VTI1A: variants seen among roughly 807,000 people sequenced by gnomAD.
VTI1A encodes vesicle transport through interaction with t-SNAREs 1A, also known as vesicle transport through interaction with t-SNAREs homolog 1A.
Under a neutral mutation model 34.9 loss-of-function variants are expected in VTI1A, and 22 were observed. The observed-to-expected ratio is 0.63, with a 90% CI of 0.45 to 0.90. The LOEUF (loss-of-function observed/expected upper bound fraction) is 0.90. Among genes scored for constraint, VTI1A ranks in the 40% least tolerant of loss-of-function variants. The pLI is 0.00. For missense variants in VTI1A, 268 were observed against 275.6 expected (o/e 0.97, Z 0.20); for synonymous variants, 87 against 97.3 (o/e 0.89, Z 0.62).
At chr10:112,780,627 G>A (rs994595609) in intron 7 of VTI1A, among the ~76,000 whole-genome samples, 3 of 152,052 alleles carry the variant, frequency 2.0e-5, no homozygotes, top group East Asian at 1.9e-4. Context: ...GATTTAACCC[G>A]TGTGTTAACC....
chr10:112,615,700 C>G (rs553381610), intron 5 of VTI1A, among the ~76,000 whole-genome samples: 93 of 152,182 alleles, frequency 6.1e-4, no homozygotes, highest in African/African-American at 2.2e-3. Context: ...TGGGAAACTT[C>G]CCTAAATAAA....
chr10:112,719,167 A>AAGGAGGGGGAGGT (rs2133936409), intron 7 of VTI1A, among the ~76,000 whole-genome samples: 1 of 152,358 alleles, frequency 6.6e-6, no homozygotes, highest in African/African-American at 2.4e-5. Flanking sequence ...GGCATTTTAC[A>AAGGAGGGGGAGGT]TCACTGAGTC....
At chr10:112,735,120 C>A (rs189191392) in intron 7 of VTI1A, among the ~76,000 whole-genome samples, 1 of 152,094 alleles carries the variant, frequency 6.6e-6, no homozygotes, top group Non-Finnish European at 1.5e-5. Flanking sequence ...AGTTTTAATT[C>A]GCAGAAAATG....
intron 7 of VTI1A, among the ~76,000 whole-genome samples, chr10:112,796,697 T>C (rs1473117313): frequency 6.6e-6 from 1 of 152,172 alleles, no homozygotes; most frequent in Non-Finnish European, 1.5e-5. Context: ...AGGGAAAAGT[T>C]CTTCCTGGGC....
chr10:112,482,886 G>T (rs921190614), intron 3 of VTI1A, among the ~76,000 whole-genome samples: 1 of 152,100 alleles, frequency 6.6e-6, no homozygotes, highest in African/African-American at 2.4e-5. Context: ...AGAAAGCATC[G>T]CTGAAACCTT....
At position 112,594,089 on chromosome 10, in the gene VTI1A, TTTTAGTA is replaced by T. The variant is rs1028948163; in HGVS notation, c.427+55760_427+55766del. 4.5e-4 allele frequency among the ~76,000 whole-genome samples: 69 copies of T among 152,234 alleles called. No homozygotes were observed. The Middle Eastern group carries it at 0.01, about 23-fold the overall frequency. On this transcript the variant is annotated intron_variant, in intron 5 of 7. Transcript: ENST00000393077. ...CATGCCCGGCTAATTTTTTTTGTAT[TTTTAGTA>T]GAGTCGGGGTTTCACTGTGTTAGCC...
rs1374262661 is a variant in VTI1A, at chr10:112,718,963, G to T, written c.560+49965G>T. 2.6e-5 allele frequency among the ~76,000 whole-genome samples: 4 copies of T among 152,294 alleles called. No homozygotes were observed. The East Asian group carries it at 5.8e-4, about 22-fold the overall frequency. On this transcript the variant is annotated intron_variant, in intron 7 of 7. Coordinates refer to ENST00000393077, the MANE Select transcript of VTI1A (RefSeq NM_145206.4). Reference sequence around the variant, plus strand: ...CAGAATTCTAGGAAAATGAGAATTTGTGTCTGCTTTCATTCACAGAGCAAA... The same window carrying T: ...CAGAATTCTAGGAAAATGAGAATTTTTGTCTGCTTTCATTCACAGAGCAAA...
At chr10:112,652,463 G>A (rs556573208) in intron 5 of VTI1A, among the ~76,000 whole-genome samples, 19 of 152,320 alleles carry the variant, frequency 1.2e-4, no homozygotes, top group African/African-American at 4.3e-4. Flanking sequence ...GCTCACGCCT[G>A]TAATCCCAGC....
At chr10:112,777,994 C>T (rs1255509089) in intron 7 of VTI1A, among the ~76,000 whole-genome samples, 1 of 151,968 alleles carries the variant, frequency 6.6e-6, no homozygotes, top group African/African-American at 2.4e-5. Context: ...CCCAGCTACT[C>T]GAGAGGCTGA....
chr10:112,687,772 G>T lies in VTI1A; in HGVS notation c.560+18774G>T, dbSNP rs1564884149. 1.3e-5 allele frequency among the ~76,000 whole-genome samples: 2 copies of T among 151,930 alleles called. 1 individual carries two copies. The highest frequency in any genetic ancestry group is 4.8e-5 in the African/African-American group (2 of 41,354). Reference sequence around the variant, plus strand: ...TAGAGATACAAAACAGCCAGCCTCAGAAGAAGGAGGGGCTGATTTCATCAG... The same window carrying T: ...TAGAGATACAAAACAGCCAGCCTCATAAGAAGGAGGGGCTGATTTCATCAG... On this transcript the variant is annotated intron_variant, in intron 7 of 7. Coordinates refer to ENST00000393077, the MANE Select transcript of VTI1A (RefSeq NM_145206.4).
chr10:112,507,205 A>G (rs1237883738), intron 3 of VTI1A, among the ~76,000 whole-genome samples: 3 of 152,094 alleles, frequency 2.0e-5, no homozygotes, highest in Non-Finnish European at 4.4e-5. Context: ...TTCTCCTTTC[A>G]GCATCACTTA....
downstream of VTI1A, among the ~76,000 whole-genome samples, chr10:112,822,938 G>A (rs1853680813): frequency 6.6e-6 from 1 of 152,176 alleles, no homozygotes; most frequent in African/African-American, 2.4e-5. Flanking sequence ...TCACAGCACT[G>A]GAAGTCAGAA....
intron 7 of VTI1A, among the ~76,000 whole-genome samples, chr10:112,695,537 G>A (rs182465523): frequency 1.9e-3 from 284 of 152,284 alleles, no homozygotes; most frequent in Admixed American, 2.8e-3. Flanking sequence ...GGGACATTGT[G>A]ACTGTTCTCT....
chr10:112,548,852 T>G, intron 5 of VTI1A: 1 of 1,468,500 alleles, frequency 6.8e-7, no homozygotes, highest in Middle Eastern at 2.4e-4. Context: ...TCTTCCAGCT[T>G]TTTACCGGAA....
intron 7 of VTI1A, among the ~76,000 whole-genome samples, chr10:112,811,429 T>C (rs956686624): frequency 6.6e-6 from 1 of 151,910 alleles, no homozygotes; most frequent in African/African-American, 2.4e-5. Context: ...GCGCGGTGGC[T>C]CACGCCTGTA....
rs1018319419 is a variant in VTI1A, at chr10:112,622,382, T to C, written c.428-45836T>C. On this transcript the variant is annotated intron_variant, in intron 5 of 7. Coordinates refer to ENST00000393077, the MANE Select transcript of VTI1A (RefSeq NM_145206.4). ...ATGCTAAAATGTTTAACTTTGGCTTTGGTAGATTTTAATGCAGACCAAGAG... is the reference window on the plus strand; with the variant it reads ...ATGCTAAAATGTTTAACTTTGGCTTCGGTAGATTTTAATGCAGACCAAGAG... Among the ~76,000 whole-genome samples, 92 of 151,960 alleles carry C rather than the reference T, an allele frequency of 6.1e-4. 5 individuals carry two copies. The highest frequency in any genetic ancestry group is 5.9e-5 in the Non-Finnish European group (4 of 68,002).
chr10:112,751,424 T>C (rs1851100310), intron 7 of VTI1A, among the ~76,000 whole-genome samples: 1 of 150,404 alleles, frequency 6.6e-6, no homozygotes, highest in Non-Finnish European at 1.5e-5. Context: ...AACTCCCTGC[T>C]GTTTCCCTAA....
At chr10:112,535,268 C>A (rs1173408775) in intron 4 of VTI1A, among the ~76,000 whole-genome samples, 1 of 152,114 alleles carries the variant, frequency 6.6e-6, no homozygotes, top group Admixed American at 6.5e-5. Context: ...ATTCTTTTAA[C>A]AGTCTTTGAT....
chr10:112,700,308 C>T (rs886850165), intron 7 of VTI1A, among the ~76,000 whole-genome samples: 5 of 152,066 alleles, frequency 3.3e-5, no homozygotes, highest in Non-Finnish European at 7.4e-5. Context: ...CCTGCTATGT[C>T]ACAAGGGTAA....
Sources: gnomAD v4.1 joint callset for allele counts (sites outside exome capture counted in the v4.1 genomes callset) on GRCh38, gnomAD v4.1.1 for gene constraint, MANE v1.5 for transcripts, NCBI Gene and HGNC (gene_info 2026-07-23, HGNC 2026-07-21) for gene names.